Variants in GLIS3 observed in about 807,000 individuals in gnomAD.
GLIS3 encodes the protein GLIS family zinc finger 3, also known as zinc finger protein GLIS3.
GLIS3 carries 53 observed loss-of-function variants against 78.6 expected under a neutral mutation model. The observed-to-expected ratio is 0.67, with a 90% CI of 0.54 to 0.85. The LOEUF (loss-of-function observed/expected upper bound fraction) is 0.85, where lower values mean the gene tolerates loss of function less well. GLIS3 is among the 40% of genes least tolerant of loss of function. The pLI is 0.00. For synonymous variants in GLIS3, 684 were observed against 509.9 expected (o/e 1.34, Z -4.60); for missense variants, 1,703 against 1,231.1 (o/e 1.38, Z -5.74).
At chr9:4,034,066 A>G (rs1588499541) in intron 4 of GLIS3, among the ~76,000 whole-genome samples, 1 of 152,068 alleles carries the variant, frequency 6.6e-6, no homozygotes, top group East Asian at 1.9e-4. Flanking sequence ...TATTAAAAAA[A>G]AAAAGTTAAA....
chr9:4,463,059 A>C, the GLIS3 span, among the ~76,000 whole-genome samples: 1 of 152,218 alleles, frequency 6.6e-6, no homozygotes, highest in Non-Finnish European at 1.5e-5. Flanking sequence ...AGGCAGAGAG[A>C]TAAGTAGCAT....
At chr9:3,962,709 G>T (rs1177939967) in intron 4 of GLIS3, among the ~76,000 whole-genome samples, 1 of 152,114 alleles carries the variant, frequency 6.6e-6, no homozygotes, top group African/African-American at 2.4e-5. Context: ...AGAAAGGGGG[G>T]AATGTGAAGT....
chr9:3,894,803 TA>T (rs1822708238), intron 7 of GLIS3, among the ~76,000 whole-genome samples: 1 of 152,150 alleles, frequency 6.6e-6, no homozygotes, highest in Admixed American at 6.5e-5. Flanking sequence ...ACATAACAAT[TA>T]TTTTATAACC....
At chr9:3,898,238 A>G (rs958050856) in intron 7 of GLIS3, 8 of 240,836 alleles carry the variant, frequency 3.3e-5, no homozygotes, top group Non-Finnish European at 5.8e-5. Flanking sequence ...GTTGGCAAAC[A>G]TGAATGAACA....
At chr9:4,127,347 A>G (rs1048471545) in intron 2 of GLIS3, among the ~76,000 whole-genome samples, 1 of 152,146 alleles carries the variant, frequency 6.6e-6, no homozygotes, top group African/African-American at 2.4e-5. Flanking sequence ...TACACTTTCC[A>G]AGATCATTTG....
At chr9:3,874,372 G>A (rs1821164176) in intron 8 of GLIS3, among the ~76,000 whole-genome samples, 1 of 152,184 alleles carries the variant, frequency 6.6e-6, no homozygotes, top group East Asian at 1.9e-4. Context: ...GAGGTTCTGT[G>A]TCCCTTCCCG....
rs559023630 is a variant in GLIS3, at chr9:4,207,229, C to A, written c.388+78809G>T. 3.7e-4 allele frequency among the ~76,000 whole-genome samples: 56 copies of A among 152,308 alleles called. 1 individual carries two copies. Among genetic ancestry groups the A allele is most frequent in the South Asian group, 1.4e-3 (7 of 4,828 alleles). ...GAGCAGCCACATGCTGAAGCTGCCC[C>A]CTTCGTCCCCACACTATGCAGAGGG... is the stretch of plus-strand genomic sequence containing the variant. On this transcript the variant is annotated intron_variant, in intron 2 of 10. Transcript: ENST00000381971.
chr9:4,395,552 G>A, the GLIS3 span, among the ~76,000 whole-genome samples: 3 of 152,082 alleles, frequency 2.0e-5, no homozygotes, highest in Admixed American at 6.5e-5. Flanking sequence ...TGGTACTGGT[G>A]CCTGGGAAGG....
At chr9:4,356,988 C>T in the GLIS3 span, among the ~76,000 whole-genome samples, 2 of 152,100 alleles carry the variant, frequency 1.3e-5, no homozygotes, top group South Asian at 4.1e-4. Flanking sequence ...CTTACTGTTT[C>T]CAAAGACTAG....
intron 9 of GLIS3, among the ~76,000 whole-genome samples, chr9:3,840,609 C>G (rs1434557635): frequency 1.3e-5 from 2 of 152,160 alleles, no homozygotes; most frequent in Admixed American, 6.5e-5. Context: ...GAAATAATAA[C>G]CCTGAAAATT....
intron 6 of GLIS3, among the ~76,000 whole-genome samples, chr9:3,922,241 A>C (rs1391295730): frequency 1.3e-5 from 2 of 152,224 alleles, no homozygotes; most frequent in Non-Finnish European, 2.9e-5. Flanking sequence ...GTTACTGTCA[A>C]GGCAATATAT....
chr9:4,312,222 T>G (rs1027549721), intron 2 of GLIS3, among the ~76,000 whole-genome samples: 2 of 152,172 alleles, frequency 1.3e-5, no homozygotes, highest in Non-Finnish European at 1.5e-5. Flanking sequence ...AATCCCAGCA[T>G]TTTGGGAGGC....
intron 4 of GLIS3, among the ~76,000 whole-genome samples, chr9:4,100,378 T>A (rs1830275503): frequency 6.6e-6 from 1 of 152,204 alleles, no homozygotes; most frequent in Admixed American, 6.5e-5. Context: ...AGTATTTGTA[T>A]GTTTTAAATG....
chr9:4,195,916 C>G (rs1357374261), intron 2 of GLIS3, among the ~76,000 whole-genome samples: 1 of 152,216 alleles, frequency 6.6e-6, no homozygotes, highest in African/African-American at 2.4e-5. Context: ...ATGCACCAAT[C>G]AGCACTTTGT....
chr9:3,890,958 G>A (rs1400317777), intron 7 of GLIS3, among the ~76,000 whole-genome samples: 1 of 151,658 alleles, frequency 6.6e-6, no homozygotes, highest in Non-Finnish European at 1.5e-5. Context: ...TACTGGCAAA[G>A]TAGTGGAATA....
chr9:4,331,541 C>G (rs144217998), intron 2 of GLIS3, among the ~76,000 whole-genome samples: 1 of 152,282 alleles, frequency 6.6e-6, no homozygotes, highest in South Asian at 2.1e-4. Context: ...TCCGTTGAAG[C>G]AGAAGTTGCA....
At chr9:4,321,638 T>G (rs1003592299) in intron 2 of GLIS3, among the ~76,000 whole-genome samples, 29 of 136,948 alleles carry the variant, frequency 2.1e-4, no homozygotes, top group African/African-American at 5.4e-5. Flanking sequence ...TGTCTCTTTG[T>G]GAACCTCCCA....
At chr9:4,259,462 G>C (rs997695686) in intron 2 of GLIS3, among the ~76,000 whole-genome samples, 3 of 152,030 alleles carry the variant, frequency 2.0e-5, no homozygotes, top group Admixed American at 1.3e-4. Context: ...AAGGAAGTTA[G>C]GGGTGGGGGA....
chr9:4,250,400 C>A (rs1024163707), intron 2 of GLIS3, among the ~76,000 whole-genome samples: 3 of 152,136 alleles, frequency 2.0e-5, no homozygotes, highest in Non-Finnish European at 2.9e-5. Context: ...ACTTTATTTG[C>A]AGAGAGGTGT....
Sources: allele counts gnomAD v4.1 joint callset (sites outside exome capture counted in the v4.1 genomes callset), GRCh38; gene constraint gnomAD v4.1.1; transcripts MANE v1.5; gene names NCBI Gene and HGNC (gene_info 2026-07-23, HGNC 2026-07-21).